The following TASP1 variants were observed in gnomAD, a reference collection of about 807,000 sequenced individuals.
TASP1 encodes the protein taspase 1.
TASP1 carries 16 observed loss-of-function variants against 56.6 expected under a neutral mutation model. That is an observed-to-expected ratio of 0.28 (90% CI 0.19 to 0.43). TASP1 has a LOEUF of 0.43. Among genes scored for constraint, TASP1 ranks in the 20% least tolerant of loss-of-function variants. The pLI is 1.00. For missense variants in TASP1, 393 were observed against 511.6 expected, an observed-to-expected ratio of 0.77 and a Z score of 2.24; for synonymous variants, 179 against 184.2, an observed-to-expected ratio of 0.97 and a Z score of 0.23.
At chr20:13,456,901 C>A (rs1014392194) in intron 11 of TASP1, among the ~76,000 whole-genome samples, 1 of 152,126 alleles carries the variant, frequency 6.6e-6, no homozygotes, top group Non-Finnish European at 1.5e-5. Flanking sequence ...CCAGACTTTT[C>A]TTTTTGTTCA....
rs1197189184 is a variant in TASP1, at chr20:13,393,456, G to T, written c.1171-3004C>A. On this transcript the variant is annotated intron_variant, in intron 13 of 13. Transcript: ENST00000337743. ...CAAATATGATGATATCAAGAAGGTGGTGAAGCAGGTGTCAGAGGGCCCCCT... is the reference window on the plus strand; with the variant it reads ...CAAATATGATGATATCAAGAAGGTGTTGAAGCAGGTGTCAGAGGGCCCCCT... The T allele has an allele frequency of 3.8e-6, 3 of 789,018 alleles. No homozygotes were observed. In the Admixed American group the frequency reaches 5.3e-5, roughly 14 times the overall value. The allele number at this position is 789,018 out of a possible 1,614,324, so 48.9% of individuals were successfully genotyped here.
chr20:13,377,695 T>C, the TASP1 span, among the ~76,000 whole-genome samples: 1 of 152,208 alleles, frequency 6.6e-6, no homozygotes, highest in African/African-American at 2.4e-5. Flanking sequence ...TGTGAATCCA[T>C]CTGGTCCTAG....
chr20:13,507,794 A>C (rs2044185055), intron 10 of TASP1, among the ~76,000 whole-genome samples: 1 of 152,178 alleles, frequency 6.6e-6, no homozygotes, highest in Admixed American at 6.5e-5. Flanking sequence ...CAAGAAAAAC[A>C]AGGGTGGAAG....
the TASP1 span, among the ~76,000 whole-genome samples, chr20:13,349,970 G>A: frequency 6.6e-6 from 1 of 152,086 alleles, no homozygotes; most frequent in South Asian, 2.1e-4. Context: ...GGGCAACATA[G>A]GGAGACCCTG....
At chr20:13,478,256 C>A (rs2043011170) in intron 11 of TASP1, among the ~76,000 whole-genome samples, 1 of 152,008 alleles carries the variant, frequency 6.6e-6, no homozygotes, top group Non-Finnish European at 1.5e-5. Flanking sequence ...CAAAAAACTG[C>A]ACTCGTATGT....
At chr20:13,536,823 A>G (rs2045436276) in intron 8 of TASP1, among the ~76,000 whole-genome samples, 1 of 151,882 alleles carries the variant, frequency 6.6e-6, no homozygotes, top group Non-Finnish European at 1.5e-5. Flanking sequence ...TCTCTTTTTT[A>G]CATTTCAGTT....
the TASP1 span, among the ~76,000 whole-genome samples, chr20:13,257,813 C>T: frequency 6.6e-6 from 1 of 151,972 alleles, no homozygotes; most frequent in African/African-American, 2.4e-5. Flanking sequence ...TGTTCTTGAG[C>T]CAGTCCTCTG....
intron 2 of TASP1, among the ~76,000 whole-genome samples, chr20:13,626,979 C>T (rs1204755075): frequency 1.4e-5 from 2 of 146,688 alleles, no homozygotes; most frequent in Non-Finnish European, 3.0e-5. Flanking sequence ...AAGGCAGGCT[C>T]AGGATCCAAG....
chr20:13,527,786 CAA>C (rs36101840), intron 10 of TASP1, among the ~76,000 whole-genome samples: 24,690 of 152,068 alleles, frequency 0.16, 2,316 homozygotes, highest in Middle Eastern at 0.23. Flanking sequence ...ACATTTTACT[CAA>C]GAGATTATCT....
At chr20:13,108,589 C>G in the TASP1 span, among the ~76,000 whole-genome samples, 1 of 151,874 alleles carries the variant, frequency 6.6e-6, no homozygotes. Flanking sequence ...TTTTTTTTCA[C>G]TTTGAGACAG....
At chr20:13,119,445 C>G in the TASP1 span, among the ~76,000 whole-genome samples, 1 of 152,188 alleles carries the variant, frequency 6.6e-6, no homozygotes, top group Non-Finnish European at 1.5e-5. Flanking sequence ...TGTAGGCGTT[C>G]TTGTCCACAC....
chr20:13,475,417 C>T (rs181120068), intron 11 of TASP1, among the ~76,000 whole-genome samples: 1 of 152,120 alleles, frequency 6.6e-6, no homozygotes, highest in Non-Finnish European at 1.5e-5. Context: ...TATTCTTGTG[C>T]ATGTCATCTG....
At chr20:13,416,594 T>C (rs2042263009) in intron 13 of TASP1, among the ~76,000 whole-genome samples, 1 of 152,224 alleles carries the variant, frequency 6.6e-6, no homozygotes, top group African/African-American at 2.4e-5. Flanking sequence ...ACTGCTCATA[T>C]CAGAAGTTTT....
At chr20:13,177,051 C>A in the TASP1 span, among the ~76,000 whole-genome samples, 1 of 151,966 alleles carries the variant, frequency 6.6e-6, no homozygotes, top group Non-Finnish European at 1.5e-5. Flanking sequence ...ACCAGGCTGG[C>A]CAACATGGTG....
intron 10 of TASP1, among the ~76,000 whole-genome samples, chr20:13,492,869 C>A (rs56257654): frequency 0.033 from 4,965 of 152,152 alleles, 265 homozygotes; most frequent in African/African-American, 0.11. Context: ...TTGATATATG[C>A]GTTAGCATTT....
chr20:13,488,695 C>T (rs554084317), intron 10 of TASP1, among the ~76,000 whole-genome samples: 2 of 152,240 alleles, frequency 1.3e-5, no homozygotes, highest in Admixed American at 6.5e-5. Context: ...ACCTGATAAA[C>T]TCACACCCAT....
At chr20:13,137,309 C>T in the TASP1 span, among the ~76,000 whole-genome samples, 4,175 of 152,240 alleles carry the variant, frequency 0.027, 82 homozygotes, top group Non-Finnish European at 0.041. Flanking sequence ...TAGAATTCTA[C>T]TTGCACGTTA....
chr20:13,311,243 TGATAGATA>T, the TASP1 span, among the ~76,000 whole-genome samples: 237 of 127,908 alleles, frequency 1.9e-3, no homozygotes, highest in East Asian at 0.013. Flanking sequence ...GATAGATAGA[TGATAGATA>T]GATAGATAGA....
downstream of TASP1, among the ~76,000 whole-genome samples, chr20:13,387,184 A>ATTTTTTTTT (rs779048448): frequency 2.3e-4 from 16 of 70,704 alleles, 1 homozygote; most frequent in African/African-American, 4.0e-4. Context: ...ACATGATTTC[A>ATTTTTTTTT]TTTTTTTTTT....
Sources: gnomAD v4.1 joint callset for allele counts (sites outside exome capture counted in the v4.1 genomes callset) on GRCh38, gnomAD v4.1.1 for gene constraint, MANE v1.5 for transcripts, NCBI Gene and HGNC (gene_info 2026-07-23, HGNC 2026-07-21) for gene names.